The following SPEF2 variants were observed in gnomAD, a reference collection of about 807,000 sequenced individuals.
SPEF2 encodes sperm flagellar and cilia associated 2.
Under a neutral mutation model 224.6 loss-of-function variants are expected in SPEF2, and 187 were observed. That is an observed-to-expected ratio of 0.83 (90% confidence interval 0.74 to 0.94). SPEF2 has a LOEUF of 0.94. Ranked by LOEUF, SPEF2 falls within the 40% of genes least tolerant of loss-of-function variation. The pLI, the probability that SPEF2 is intolerant of heterozygous loss-of-function variation, is 0.00. For synonymous variants in SPEF2, 715 were observed against 707.3 expected, an observed-to-expected ratio of 1.01 and a Z score of -0.17; for missense variants, 2,170 against 2,135.6, an observed-to-expected ratio of 1.02 and a Z score of -0.32.
chr5:35,747,945 G>C (rs775577883), intron 23 of SPEF2, among the ~76,000 whole-genome samples: 1 of 151,976 alleles, frequency 6.6e-6, no homozygotes, highest in Non-Finnish European at 1.5e-5. Context: ...TATAAAACAA[G>C]CCTCAATAAA....
At chr5:35,710,625 T>C in intron 19 of SPEF2, 2 of 985,162 alleles carry the variant, frequency 2.0e-6, no homozygotes, top group South Asian at 9.4e-5. Context: ...CCTAGAATTA[T>C]CGAATATCGT....
intron 36 of SPEF2, among the ~76,000 whole-genome samples, chr5:35,812,418 T>C (rs1475511260): frequency 1.4e-5 from 2 of 145,500 alleles, no homozygotes; most frequent in Admixed American, 7.4e-5. Context: ...TCCACTTTCA[T>C]AGGCCTTGTA....
intron 26 of SPEF2, among the ~76,000 whole-genome samples, chr5:35,766,395 T>C (rs1752093373): frequency 6.6e-6 from 1 of 152,154 alleles, no homozygotes; most frequent in South Asian, 2.1e-4. Flanking sequence ...TTGGTAGATA[T>C]TATTTTGCTA....
In SPEF2 at chr5:35,784,811, A is replaced by C. The variant is rs116053332; in HGVS notation, c.4447+5465A>C. On this transcript the variant is annotated intron_variant, in intron 30 of 36. Coordinates refer to ENST00000356031, the MANE Select transcript of SPEF2 (RefSeq NM_024867.4). ...GGAGAGGATTTTCAAAGGCATTTAGAGCCAAGTGTCATGGAGAATGGATTG... is the reference window on the plus strand; with the variant it reads ...GGAGAGGATTTTCAAAGGCATTTAGCGCCAAGTGTCATGGAGAATGGATTG... Among the ~76,000 whole-genome samples, 774 of 152,152 alleles carry C rather than the reference A, an allele frequency of 5.1e-3. 8 individuals carry two copies. The highest frequency in any genetic ancestry group is 0.018 in the African/African-American group (727 of 41,494).
chr5:35,814,328 G>A (rs1267848394), intron 36 of SPEF2, 136 bp from the exon 37 acceptor site: 12 of 432,848 alleles, frequency 2.8e-5, no homozygotes, highest in Middle Eastern at 1.3e-3. Context: ...GGAGAAATTT[G>A]CTCAGTGGAA....
chr5:35,670,200 A>T lies in SPEF2; in HGVS notation c.1497A>T (p.Leu499=). 6.2e-7 allele frequency: 1 copy of T among 1,611,038 alleles called. No individual in the cohort carries two copies. The highest frequency in any genetic ancestry group is 1.1e-5 in the South Asian group (1 of 90,608). Residue 499 remains leucine (L), a synonymous_variant, in exon 10 of 37, where the codon CTA becomes CTT. Coordinates refer to ENST00000356031, the MANE Select transcript of SPEF2 (RefSeq NM_024867.4). ...CAGAACTGGAGAAAAGGGACTTGCT[A>T]GATACCAATGATTATGAAGAATATA... The part of the protein sequence containing the change: ...QLTELEKRDL[L]DTNDYEEYKN...
At chr5:35,750,371 C>A (rs928482677) in intron 23 of SPEF2, among the ~76,000 whole-genome samples, 1 of 152,032 alleles carries the variant, frequency 6.6e-6, no homozygotes, top group Non-Finnish European at 1.5e-5. Context: ...TTAAACCAAA[C>A]AACTTTTGCA....
intron 20 of SPEF2, among the ~76,000 whole-genome samples, chr5:35,721,799 G>A (rs1445539178): frequency 6.6e-6 from 1 of 152,116 alleles, no homozygotes; most frequent in Non-Finnish European, 1.5e-5. Flanking sequence ...ACAGAGTTAG[G>A]AAAACATGCA....
chr5:35,650,270 A>G (rs936424033), intron 6 of SPEF2, among the ~76,000 whole-genome samples: 2 of 152,184 alleles, frequency 1.3e-5, no homozygotes, highest in Non-Finnish European at 2.9e-5. Context: ...AAAATGGAGA[A>G]TACTCATGTA....
chr5:35,710,305 C>A (rs1206831923), intron 19 of SPEF2: 4 of 956,198 alleles, frequency 4.2e-6, no homozygotes, highest in Admixed American at 1.2e-4. Flanking sequence ...TCCCTGTAAT[C>A]CCAGCACTTT....
chr5:35,625,262 T>C (rs542808370), intron 1 of SPEF2, among the ~76,000 whole-genome samples: 1 of 152,240 alleles, frequency 6.6e-6, no homozygotes, highest in African/African-American at 2.4e-5. Flanking sequence ...ACCTTTATAC[T>C]ATAAACACCT....
At chr5:35,732,926 A>G (rs1308658595) in intron 21 of SPEF2, among the ~76,000 whole-genome samples, 4 of 152,140 alleles carry the variant, frequency 2.6e-5, no homozygotes, top group Non-Finnish European at 5.9e-5. Context: ...ATTAGTTAAT[A>G]TTTTACTGTG....
In SPEF2 at chr5:35,618,070, C is replaced by A; in HGVS notation, c.58+15C>A. On this transcript the variant is annotated intron_variant, in intron 1 of 36. Coordinates refer to ENST00000356031, the MANE Select transcript of SPEF2 (RefSeq NM_024867.4). ...CCGGACCGTGAGTGAGTGACCACGG[C>A]CAGGGGCGAGCGTCTGAGGGGCTAG... 1 of 1,576,054 alleles carries A rather than the reference C, an allele frequency of 6.3e-7. No homozygotes were observed. The highest frequency in any genetic ancestry group is 1.8e-5 in the Admixed American group (1 of 56,630).
At chr5:35,665,185 G>A (rs920446101) in intron 8 of SPEF2, among the ~76,000 whole-genome samples, 1 of 152,120 alleles carries the variant, frequency 6.6e-6, no homozygotes, top group African/African-American at 2.4e-5. Flanking sequence ...AAGGCTCAAA[G>A]TCACACAGCT....
intron 25 of SPEF2, among the ~76,000 whole-genome samples, chr5:35,761,721 A>G (rs1751309372): frequency 6.6e-6 from 1 of 152,258 alleles, no homozygotes; most frequent in African/African-American, 2.4e-5. Flanking sequence ...ATAAACCACT[A>G]GAACCATCAA....
At chr5:35,658,663 T>G (rs1322571141) in intron 7 of SPEF2, among the ~76,000 whole-genome samples, 1 of 152,178 alleles carries the variant, frequency 6.6e-6, no homozygotes, top group Non-Finnish European at 1.5e-5. Context: ...TACAGGAGTT[T>G]GTGGTACAGA....
Position 35,792,408 on chromosome 5 carries a change from A to C in SPEF2, c.4516A>C (p.Asn1506His). The change falls in exon 31 of 37, where the codon AAC becomes CAC. Residue 1506 changes from asparagine (N) to histidine (H), a missense_variant. Transcript: ENST00000356031. The stretch of plus-strand genomic sequence containing the variant: ...GGTGACCCTGAACCTTGGCACAAAC[A>C]ACTTTCCTAGTAATTGGATGCACCT... ...DLVTLNLGTNNFPSNWMHLTQ... is the reference protein window; with the variant it reads ...DLVTLNLGTNHFPSNWMHLTQ... 1.9e-6 allele frequency: 3 copies of C among 1,613,844 alleles called. No homozygotes were observed. The highest frequency in any genetic ancestry group is 8.5e-7 in the Non-Finnish European group (1 of 1,179,818).
chr5:35,711,407 C>T (rs1329255269), intron 19 of SPEF2, among the ~76,000 whole-genome samples: 1 of 152,006 alleles, frequency 6.6e-6, no homozygotes, highest in East Asian at 1.9e-4. Flanking sequence ...TTTTATATCT[C>T]CTTCCATTAT....
At chr5:35,710,975 T>C (rs1353961959) in intron 19 of SPEF2, 10 of 759,992 alleles carry the variant, frequency 1.3e-5, no homozygotes, top group Non-Finnish European at 1.4e-5. Context: ...GTGATGGACA[T>C]TGATAGGGCA....
Sources: gnomAD v4.1 joint callset for allele counts (sites outside exome capture counted in the v4.1 genomes callset) on GRCh38, gnomAD v4.1.1 for gene constraint, MANE v1.5 for transcripts, NCBI Gene and HGNC (gene_info 2026-07-23, HGNC 2026-07-21) for gene names.